The following SLAIN1 variants were observed in gnomAD, a reference collection of about 807,000 sequenced individuals.
The protein encoded by SLAIN1 is SLAIN family member 1, also known as SLAIN motif-containing protein 1.
A neutral mutation model predicts 55.4 loss-of-function variants in SLAIN1; 17 were observed. The ratio of observed to expected loss-of-function variants is 0.31; its 90% CI spans 0.21 to 0.46. The LOEUF (loss-of-function observed/expected upper bound fraction) is 0.46. Ranked by LOEUF, SLAIN1 falls within the 20% of genes least tolerant of loss-of-function variation. The pLI, the probability that SLAIN1 is intolerant of heterozygous loss-of-function variation, is 1.00. For synonymous variants in SLAIN1, 348 were observed against 337.4 expected (o/e 1.03, Z -0.35); for missense variants, 682 against 785.1 (o/e 0.87, Z 1.57).
intron 2 of SLAIN1, chr13:77,742,728 C>A (rs1160550565): frequency 1.3e-5 from 2 of 152,492 alleles, no homozygotes; most frequent in African/African-American, 4.8e-5. Flanking sequence ...GAAAACATTT[C>A]TAACGTAGAA....
chr13:77,717,991 T>C (rs1468680745), intron 1 of SLAIN1, among the ~76,000 whole-genome samples: 2 of 151,984 alleles, frequency 1.3e-5, no homozygotes, highest in African/African-American at 4.8e-5. Context: ...ATTACCTACA[T>C]AGGTAGGTGA....
intron 2 of SLAIN1, among the ~76,000 whole-genome samples, chr13:77,725,185 C>A (rs985618249): frequency 1.3e-5 from 2 of 152,282 alleles, no homozygotes; most frequent in East Asian, 3.9e-4. Context: ...ATATTCAGGG[C>A]ATAGACTAGC....
rs1020373881 is a variant in SLAIN1, at chr13:77,719,731, G to A, written c.766+60G>A. ...TCTTGTCACTCTCAGTGCTGCTTTT[G>A]TTGCTGGTTTTGGAATAAACATTTC... On this transcript the variant is annotated intron_variant, in intron 2 of 6. Transcript: ENST00000418532. 7 of 1,568,210 alleles carry A rather than the reference G, an allele frequency of 4.5e-6. No homozygotes were observed. In the Admixed American group the frequency reaches 1.3e-4, roughly 28 times the overall value.
rs994789399 is a variant in SLAIN1, at chr13:77,741,788, T to C, written c.767-2495T>C. Among the ~76,000 whole-genome samples the C allele has an allele frequency of 1.3e-4, 19 of 150,516 alleles. No individual in the cohort carries two copies. The Admixed American group carries it at 1.3e-3, about 10-fold the overall frequency. ...CATCCCACTGCCCATTTTAAAGCAC[T>C]TTTCAGCTGTCTGATTGCTCATTAG... On this transcript the variant is annotated intron_variant, in intron 2 of 6. Transcript: ENST00000418532.
chr13:77,761,638 C>T (rs1397002486), intron 6 of SLAIN1, among the ~76,000 whole-genome samples: 3 of 152,230 alleles, frequency 2.0e-5, no homozygotes, highest in African/African-American at 4.8e-5. Flanking sequence ...ACACCCTCCT[C>T]CCACACATTT....
intron 5 of SLAIN1, among the ~76,000 whole-genome samples, chr13:77,753,910 C>T (rs1433865198): frequency 6.6e-6 from 1 of 152,130 alleles, no homozygotes; most frequent in East Asian, 1.9e-4. Context: ...TAGCTTACCC[C>T]ACATTCTGTT....
intron 1 of SLAIN1, among the ~76,000 whole-genome samples, chr13:77,714,455 A>G (rs1365018880): frequency 6.6e-6 from 1 of 152,136 alleles, no homozygotes; most frequent in Non-Finnish European, 1.5e-5. Context: ...CTACAAAAAA[A>G]CTTATAAAAT....
At chr13:77,701,263 A>G (rs2091028019) in intron 1 of SLAIN1, among the ~76,000 whole-genome samples, 1 of 152,184 alleles carries the variant, frequency 6.6e-6, no homozygotes, top group Non-Finnish European at 1.5e-5. Flanking sequence ...AGTTCAGGAA[A>G]GTTTACAAAT....
chr13:77,698,650 C>A lies in SLAIN1; in HGVS notation c.626+111C>A. On this transcript the variant is annotated intron_variant, in intron 1 of 6. Transcript: ENST00000418532. This position sits in a 1 kb window ranked among gnomAD's most constrained non-coding sequence, Gnocchi z 4.1. The stretch of plus-strand genomic sequence containing the variant: ...TCCCCTCGCGGCAGCCGGGGTGACT[C>A]CCCGCGGCTCCCGGAGGGGCCGACC... 3 of 1,298,056 alleles carry A rather than the reference C, an allele frequency of 2.3e-6. No individual in the cohort carries two copies. The South Asian group carries it at 7.0e-5, about 30-fold the overall frequency. 80.4% of individuals were successfully genotyped at this position (1,298,056 alleles called of 1,614,324 possible).
At chr13:77,754,022 C>G (rs1874425268) in intron 5 of SLAIN1, among the ~76,000 whole-genome samples, 1 of 152,162 alleles carries the variant, frequency 6.6e-6, no homozygotes, top group Non-Finnish European at 1.5e-5. Context: ...TTCGGCATCC[C>G]CCTATTCCTA....
chr13:77,699,031 C>A (rs1388912552), intron 1 of SLAIN1: 27 of 1,535,296 alleles, frequency 1.8e-5, no homozygotes, highest in Non-Finnish European at 2.2e-5. Flanking sequence ...GGAAGCCGCG[C>A]AGTGATGGAT....
At position 77,736,025 on chromosome 13, in the gene SLAIN1, A is replaced by G. The variant is rs148500310; in HGVS notation, c.767-8258A>G. Reference sequence around the variant, plus strand: ...TCTCAACCTGAACCTGTAAGACATAAATACCCTTTACAGAATGATAAGGCA... The same window carrying G: ...TCTCAACCTGAACCTGTAAGACATAGATACCCTTTACAGAATGATAAGGCA... On this transcript the variant is annotated intron_variant, in intron 2 of 6. Coordinates refer to ENST00000418532, the MANE Select transcript of SLAIN1 (RefSeq NM_001242868.2). Among the ~76,000 whole-genome samples the G allele has an allele frequency of 2.9e-3, 443 of 152,136 alleles. 5 individuals are homozygous for G. The highest frequency in any genetic ancestry group is 0.01 in the African/African-American group (425 of 41,504).
intron 1 of SLAIN1, among the ~76,000 whole-genome samples, chr13:77,708,941 G>T (rs1257671923): frequency 6.6e-6 from 1 of 152,008 alleles, no homozygotes; most frequent in Non-Finnish European, 1.5e-5. Flanking sequence ...ATAGACTTCA[G>T]AAGGTGGGTA....
chr13:77,731,322 A>G (rs549562909), intron 2 of SLAIN1, among the ~76,000 whole-genome samples: 1 of 152,306 alleles, frequency 6.6e-6, no homozygotes, highest in Non-Finnish European at 1.5e-5. Flanking sequence ...AAAAATTAAT[A>G]TTGTCTTTAA....
At chr13:77,707,943 GA>G (rs1291426655) in intron 1 of SLAIN1, among the ~76,000 whole-genome samples, 2 of 152,158 alleles carry the variant, frequency 1.3e-5, no homozygotes, top group African/African-American at 4.8e-5. Context: ...TATTGGAGGG[GA>G]TTTGGGATTC....
At chr13:77,719,188 A>T (rs2091237042) in intron 1 of SLAIN1, among the ~76,000 whole-genome samples, 2 of 152,038 alleles carry the variant, frequency 1.3e-5, no homozygotes, top group Non-Finnish European at 2.9e-5. Context: ...GAAAGATGAA[A>T]ATGTTCATTT....
rs974349907 is a variant in SLAIN1, at chr13:77,748,331, A to T, written c.1258+1476A>T. Among the ~76,000 whole-genome samples the T allele has an allele frequency of 4.0e-5, 6 of 148,984 alleles. No homozygotes were observed. In the East Asian group the frequency reaches 1.2e-3, roughly 30 times the overall value. ...ATAGATCAGAAAGACAATGTATTCC[A>T]TGTGCTTAGTGGAAGTCATAACATC... is the stretch of plus-strand genomic sequence containing the variant. On this transcript the variant is annotated intron_variant, in intron 4 of 6. Transcript: ENST00000418532.
At chr13:77,735,074 T>C (rs1359548671) in intron 2 of SLAIN1, among the ~76,000 whole-genome samples, 2 of 152,020 alleles carry the variant, frequency 1.3e-5, no homozygotes, top group Non-Finnish European at 2.9e-5. Context: ...AGAATGTTTT[T>C]GCTACAACTT....
chr13:77,751,161 C>T (rs1347621698), intron 4 of SLAIN1, among the ~76,000 whole-genome samples: 1 of 152,032 alleles, frequency 6.6e-6, no homozygotes, highest in East Asian at 1.9e-4. Flanking sequence ...AGATTGAATG[C>T]TCTGATATGT....
Sources: gnomAD v4.1 joint callset for allele counts (sites outside exome capture counted in the v4.1 genomes callset) on GRCh38, gnomAD v4.1.1 for gene constraint, Gnocchi (gnomAD v3.1) non-coding constraint, MANE v1.5 for transcripts, NCBI Gene and HGNC (gene_info 2026-07-23, HGNC 2026-07-21) for gene names.